The following KCNMB2 variants were observed in gnomAD, a reference collection of about 807,000 sequenced individuals.
KCNMB2 encodes the protein calcium-activated potassium channel subunit beta-2.
In KCNMB2, 9 loss-of-function variants were observed where a neutral mutation model predicts 24.5. That is an observed-to-expected ratio of 0.37 (90% CI 0.22 to 0.64). The LOEUF is 0.64. Ranked by LOEUF, KCNMB2 falls within the 30% of genes least tolerant of loss-of-function variation. The pLI, the probability that KCNMB2 is intolerant of heterozygous loss-of-function variation, is 0.63. For missense variants in KCNMB2, 226 were observed against 284.3 expected (o/e 0.79, Z 1.47); for synonymous variants, 109 against 104.4 (o/e 1.04, Z -0.27).
intron 1 of KCNMB2, among the ~76,000 whole-genome samples, chr3:178,603,110 T>C (rs991922398): frequency 6.6e-6 from 1 of 151,894 alleles, no homozygotes; most frequent in Middle Eastern, 3.2e-3. Flanking sequence ...GTCTTTGAAG[T>C]GTGTAGTCAG....
At chr3:178,660,168 ATTAC>A (rs1290024427) in intron 1 of KCNMB2, among the ~76,000 whole-genome samples, 1 of 152,178 alleles carries the variant, frequency 6.6e-6, no homozygotes, top group African/African-American at 2.4e-5. Context: ...CCTTTGATTA[ATTAC>A]TTAATTTTAT....
intron 1 of KCNMB2, among the ~76,000 whole-genome samples, chr3:178,627,345 T>C (rs1719158622): frequency 6.6e-6 from 1 of 152,206 alleles, no homozygotes. Context: ...ATTTGAAGCC[T>C]GATGTTGTGG....
chr3:178,659,458 T>C (rs1276336602), intron 1 of KCNMB2, among the ~76,000 whole-genome samples: 1 of 152,242 alleles, frequency 6.6e-6, no homozygotes, highest in African/African-American at 2.4e-5. Flanking sequence ...TCAACTTTGA[T>C]GTCAATTTCA....
intron 1 of KCNMB2, among the ~76,000 whole-genome samples, chr3:178,730,480 G>A (rs1331565876): frequency 2.2e-5 from 3 of 134,506 alleles, no homozygotes; most frequent in African/African-American, 8.5e-5. Flanking sequence ...TTTCCTAACT[G>A]ATCTCTTTGT....
chr3:178,572,329 A>C (rs1257137502), intron 1 of KCNMB2, among the ~76,000 whole-genome samples: 1 of 152,220 alleles, frequency 6.6e-6, no homozygotes, highest in Non-Finnish European at 1.5e-5. Context: ...TTAACAGAGT[A>C]GCTAAGGAAA....
intron 2 of KCNMB2, among the ~76,000 whole-genome samples, chr3:178,814,550 T>C (rs1479050021): frequency 3.3e-5 from 5 of 152,156 alleles, no homozygotes; most frequent in Admixed American, 2.6e-4. Context: ...ATTTGAGAAA[T>C]CTCCACACTG....
At chr3:178,697,198 T>G (rs184736844) in intron 1 of KCNMB2, among the ~76,000 whole-genome samples, 18 of 152,332 alleles carry the variant, frequency 1.2e-4, no homozygotes, top group African/African-American at 4.1e-4. Flanking sequence ...ATATTTTCAA[T>G]GGGATGTTAA....
chr3:178,814,953 GT>G (rs779830161), intron 2 of KCNMB2, among the ~76,000 whole-genome samples: 6 of 151,976 alleles, frequency 3.9e-5, no homozygotes, highest in Non-Finnish European at 8.8e-5. Flanking sequence ...TTATTTTGCT[GT>G]GCAGAAGCTC....
chr3:178,810,108 C>A (rs755071678), intron 2 of KCNMB2, among the ~76,000 whole-genome samples: 4 of 151,780 alleles, frequency 2.6e-5, no homozygotes, highest in African/African-American at 4.8e-5. Context: ...TGAGCAGTAT[C>A]TGTGGCTCTG....
At chr3:178,622,150 T>C (rs1718945188) in intron 1 of KCNMB2, among the ~76,000 whole-genome samples, 1 of 152,254 alleles carries the variant, frequency 6.6e-6, no homozygotes, top group African/African-American at 2.4e-5. Flanking sequence ...TTACTAGTCA[T>C]GTAATAAGTT....
intron 1 of KCNMB2, among the ~76,000 whole-genome samples, chr3:178,649,007 C>T (rs571900719): frequency 1.1e-4 from 17 of 152,268 alleles, no homozygotes; most frequent in African/African-American, 3.6e-4. Context: ...ACATAGGTAG[C>T]TCATTCTCTA....
chr3:178,703,739 T>A (rs1722184283), intron 1 of KCNMB2, among the ~76,000 whole-genome samples: 1 of 152,214 alleles, frequency 6.6e-6, no homozygotes, highest in African/African-American at 2.4e-5. Context: ...TGTAATCATG[T>A]ATCTACTTAC....
At chr3:178,562,848 A>G (rs1450447757) in intron 1 of KCNMB2, among the ~76,000 whole-genome samples, 1 of 152,230 alleles carries the variant, frequency 6.6e-6, no homozygotes, top group Non-Finnish European at 1.5e-5. Flanking sequence ...GTTGAGTGAA[A>G]GCGGGACAAA....
intron 1 of KCNMB2, among the ~76,000 whole-genome samples, chr3:178,765,269 G>A (rs1012039499): frequency 1.3e-5 from 2 of 152,138 alleles, no homozygotes; most frequent in South Asian, 2.1e-4. Context: ...CCTCACACAC[G>A]TGTTATCAAC....
intron 1 of KCNMB2, among the ~76,000 whole-genome samples, chr3:178,689,839 T>C (rs1441138639): frequency 6.6e-6 from 1 of 152,208 alleles, no homozygotes; most frequent in Non-Finnish European, 1.5e-5. Flanking sequence ...TACACTACTC[T>C]GCAATATCTC....
In KCNMB2 at chr3:178,565,647, AC is replaced by A. The variant is rs1183010600; in HGVS notation, c.-68+28941del. On this transcript the variant is annotated intron_variant, in intron 1 of 4. Transcript: ENST00000452583. ...GCAGGTCTAACTATTCGATTGAATT[AC>A]CCCCAGAAGACATGGCTAGGTACAC... is the stretch of plus-strand genomic sequence containing the variant. Among the ~76,000 whole-genome samples the A allele has an allele frequency of 3.9e-5, 6 of 152,114 alleles. No individual in the cohort carries two copies. In the East Asian group the frequency reaches 1.2e-3, roughly 29 times the overall value.
rs548302498 is a variant in KCNMB2 at position 178,699,131 on chromosome 3, A to G, written c.-67-108212A>G. On this transcript the variant is annotated intron_variant, in intron 1 of 4. Coordinates refer to ENST00000452583, the MANE Select transcript of KCNMB2 (RefSeq NM_181361.3). ...TGCTGGAGCCTATGTGTGCTGTTGC[A>G]CTAGAAGTGGTGTTGGCTTGGGGCA... 2.6e-5 allele frequency among the ~76,000 whole-genome samples: 4 copies of G among 152,232 alleles called. No individual in the cohort carries two copies. In the South Asian group the frequency reaches 8.3e-4, roughly 31 times the overall value.
In KCNMB2 at chr3:178,738,267, A is replaced by C. The variant is rs569323003; in HGVS notation, c.-67-69076A>C. The stretch of plus-strand genomic sequence containing the variant: ...AAGTCTGCTCTTCAACTTCATTCCC[A>C]CCCTTAGTCCCAGCCACCGGCATCT... On this transcript the variant is annotated intron_variant, in intron 1 of 4. Coordinates refer to ENST00000452583, the MANE Select transcript of KCNMB2 (RefSeq NM_181361.3). 3.3e-5 allele frequency among the ~76,000 whole-genome samples: 5 copies of C among 151,520 alleles called. No individual in the cohort carries two copies. In the South Asian group the frequency reaches 1.0e-3, roughly 32 times the overall value.
chr3:178,596,878 T>G (rs1375276425), intron 1 of KCNMB2, among the ~76,000 whole-genome samples: 3 of 152,130 alleles, frequency 2.0e-5, no homozygotes, highest in Admixed American at 2.0e-4. Flanking sequence ...CCACCAAAAC[T>G]AAAAGATATA....
Sources: allele counts gnomAD v4.1 joint callset (sites outside exome capture counted in the v4.1 genomes callset), GRCh38; gene constraint gnomAD v4.1.1; transcripts MANE v1.5; gene names NCBI Gene and HGNC (gene_info 2026-07-23, HGNC 2026-07-21).